The following HOOK2 variants were observed in gnomAD, a reference collection of about 807,000 sequenced individuals.
HOOK2 encodes the protein protein Hook homolog 2.
Under a neutral mutation model 111.9 loss-of-function variants are expected in HOOK2, and 108 were observed. The ratio of observed to expected loss-of-function variants is 0.96; its 90% CI spans 0.83 to 1.13. The LOEUF (loss-of-function observed/expected upper bound fraction) is 1.13. Among genes scored for constraint, HOOK2 ranks in the 50% most tolerant of loss-of-function variants. The pLI, the probability that HOOK2 is intolerant of heterozygous loss-of-function variation, is 0.00. For missense variants in HOOK2, 978 were observed against 951.3 expected (o/e 1.03, Z -0.37); for synonymous variants, 405 against 394.3 (o/e 1.03, Z -0.32).
At chr19:12,779,678 G>A (rs1968577949), upstream of HOOK2, among the ~76,000 whole-genome samples, 1 of 152,150 alleles carries the variant, frequency 6.6e-6, no homozygotes, top group South Asian at 2.1e-4. Context: ...CTTTGTAGGT[G>A]TGAGATGGAG....
At chr19:12,776,104 C>T (rs1469338927), upstream of HOOK2, among the ~76,000 whole-genome samples, 14 of 150,136 alleles carry the variant, frequency 9.3e-5, no homozygotes, top group African/African-American at 3.4e-4. Flanking sequence ...GTCTCGATCT[C>T]CTGACCTCGT....
At chr19:12,774,468 C>A in intron 3 of HOOK2, 1 of 615,534 alleles carries the variant, frequency 1.6e-6, no homozygotes, top group Non-Finnish European at 2.9e-6. Context: ...CTGTGTGGGG[C>A]AGGTTTTTGT....
chr19:12,766,315 A>C lies in HOOK2; in HGVS notation c.1374-75T>G. 2.1e-6 allele frequency: 3 copies of C among 1,449,362 alleles called. No individual in the cohort carries two copies. The South Asian group carries it at 4.2e-5, about 20-fold the overall frequency. The allele number at this position is 1,449,362 out of a possible 1,614,324, so 89.8% of individuals were successfully genotyped here. On this transcript the variant is annotated intron_variant, in intron 14 of 22. Transcript: ENST00000397668. ...GCTCGCTGGGGCTCAGGGAGAGTGG[A>C]GCTAGGGGCGGGACAGAGCCCTGGG...
In HOOK2 at chr19:12,765,834, C is replaced by T. The variant is rs765103230; in HGVS notation, c.1600G>A (p.Ala534Thr). 6.2e-7 allele frequency: 1 copy of T among 1,611,772 alleles called. No individual in the cohort carries two copies. The highest frequency in any genetic ancestry group is 8.5e-7 in the Non-Finnish European group (1 of 1,178,122). ...CCTGGGCCCATGGTACTTACAATGG[C>T]CTGTATGGGGCATCGGGCAGCATGG... Reference protein sequence around the residue: ...LQEQGGKTEDAISILLKRKLE... With the variant: ...LQEQGGKTEDTISILLKRKLE... Residue 534 changes from alanine to threonine, a missense_variant and splice_region_variant, in exon 17 of 23, where the codon GCC becomes ACC. By Grantham distance (58) the Ala-to-Thr change is moderately conservative. This residue lies in a region of HOOK2 where 277 missense variants were observed against 265.8 expected (regional missense o/e 1.04). Transcript: ENST00000397668.
At chr19:12,775,366 C>A (rs757063714) in intron 1 of HOOK2, 39 bp downstream of exon 1, 4 of 1,601,378 alleles carry the variant, frequency 2.5e-6, no homozygotes, top group Non-Finnish European at 3.4e-6. Context: ...GCAAGAGGAG[C>A]GGGCGCTCAC....
rs938743624 is a variant in HOOK2 at position 12,791,766 on chromosome 19, G to T, written n.42-17541C>A. 2.5e-6 allele frequency: 4 copies of T among 1,595,072 alleles called. No individual in the cohort carries two copies. The African/African-American group carries it at 5.4e-5, about 21-fold the overall frequency. ...GGACCCTCCCCAGACCGCCTGGGCC[G>T]CCCGGATGTGCACTAAAATGGAACA... On this transcript the variant is annotated intron_variant and non_coding_transcript_variant, in intron 3 of 3. Coordinates refer to the HOOK2 transcript ENST00000589765. This position sits in a 1 kb window ranked among gnomAD's most constrained non-coding sequence, Gnocchi z 7.0.
intron 20 of HOOK2, chr19:12,764,245 C>T (rs1968083241): frequency 6.1e-6 from 1 of 163,914 alleles, no homozygotes; most frequent in African/African-American, 2.4e-5. Flanking sequence ...GAACTCCTGA[C>T]CTCAAGGGAT....
At chr19:12,780,507 C>G (rs1385823462), upstream of HOOK2, among the ~76,000 whole-genome samples, 1 of 151,240 alleles carries the variant, frequency 6.6e-6, no homozygotes, top group Non-Finnish European at 1.5e-5. Flanking sequence ...CAGGCGCCCG[C>G]CACCAGGTGT....
chr19:12,772,937 C>G (rs765778564), intron 4 of HOOK2, 25 bp from the exon 5 acceptor site: 18 of 1,614,066 alleles, frequency 1.1e-5, no homozygotes, highest in Non-Finnish European at 1.4e-5. Flanking sequence ...GTGTCAGGGG[C>G]TCATGGGCCC....
At chr19:12,779,500 G>C (rs2145791715), upstream of HOOK2, among the ~76,000 whole-genome samples, 1 of 152,324 alleles carries the variant, frequency 6.6e-6, no homozygotes, top group Admixed American at 6.5e-5. Context: ...GTGTGTGTCT[G>C]AGTCCATGTG....
At chr19:12,771,955 T>C in intron 7 of HOOK2, 1 of 533,232 alleles carries the variant, frequency 1.9e-6, no homozygotes, top group Non-Finnish European at 3.3e-6. Flanking sequence ...GAAGAGCGAT[T>C]CCAGAACACT....
At chr19:12,776,806 C>T (rs1968526384), upstream of HOOK2, among the ~76,000 whole-genome samples, 1 of 151,742 alleles carries the variant, frequency 6.6e-6, no homozygotes, top group Non-Finnish European at 1.5e-5. Flanking sequence ...CGTGATAGGG[C>T]CACTACACTC....
At chr19:12,781,864 G>A (rs1968605996), upstream of HOOK2, among the ~76,000 whole-genome samples, 2 of 150,732 alleles carry the variant, frequency 1.3e-5, no homozygotes, top group Non-Finnish European at 3.0e-5. Context: ...CTTTTGAGAC[G>A]GGGTCTCCTG....
chr19:12,775,269 A>G, intron 1 of HOOK2, 136 bp downstream of exon 1: 2 of 1,467,830 alleles, frequency 1.4e-6, no homozygotes, highest in South Asian at 1.4e-5. Context: ...TGCTCGGGCC[A>G]GAGTCCAACG....
intron 3 of HOOK2, among the ~76,000 whole-genome samples, chr19:12,785,311 C>T (rs940594066): frequency 6.6e-6 from 1 of 151,676 alleles, no homozygotes; most frequent in Admixed American, 6.6e-5. Flanking sequence ...CACACACACA[C>T]ACACCAGATC....
intron 3 of HOOK2, chr19:12,787,323 G>C (rs1968667425): frequency 6.6e-6 from 1 of 151,920 alleles, no homozygotes; most frequent in Non-Finnish European, 1.5e-5. Flanking sequence ...TGTTCCCCAG[G>C]CTGGTCTCAA....
intron 3 of HOOK2, chr19:12,787,103 G>A (rs937624588): frequency 6.5e-6 from 1 of 153,202 alleles, no homozygotes; most frequent in Admixed American, 6.6e-5. Context: ...AGGAGTTCAG[G>A]GCTGCAGCGA....
Position 12,791,495 on chromosome 19 carries a change from A to G in HOOK2, n.42-17270T>C, listed in dbSNP as rs914096021. The stretch of plus-strand genomic sequence containing the variant: ...CTCAGGCTGAGCGGCTGGGACCTTG[A>G]GAGCGGCCAGGCCAGCCTCGGAGCC... On this transcript the variant is annotated intron_variant and non_coding_transcript_variant, in intron 3 of 3. Coordinates refer to the HOOK2 transcript ENST00000589765. The surrounding 1 kb of genome is among the most constrained non-coding windows in gnomAD (Gnocchi z 7.0). The G allele has an allele frequency of 4.8e-5, 19 of 392,708 alleles. No homozygotes were observed. The Admixed American group carries it at 7.9e-4, about 16-fold the overall frequency. The allele number at this position is 392,708 out of a possible 1,614,324, so 24.3% of individuals were successfully genotyped here.
chr19:12,775,630 T>A (rs1968482549), upstream of HOOK2: 4 of 476,586 alleles, frequency 8.4e-6, no homozygotes, highest in Non-Finnish European at 1.2e-5. Context: ...CGGAACGTAA[T>A]CTCCTCCCTA....
Sources: gnomAD v4.1 joint callset for allele counts (sites outside exome capture counted in the v4.1 genomes callset) on GRCh38, gnomAD v4.1.1 for gene constraint, gnomAD v4.1.1 regional missense constraint, Gnocchi (gnomAD v3.1) non-coding constraint, MANE v1.5 for transcripts, NCBI Gene and HGNC (gene_info 2026-07-23, HGNC 2026-07-21) for gene names.